HIVEP3: variants seen among roughly 807,000 people sequenced by gnomAD.
HIVEP3 encodes HIVEP zinc finger 3.
A neutral mutation model predicts 152.8 loss-of-function variants in HIVEP3; 49 were observed. The ratio of observed to expected loss-of-function variants is 0.32; its 90% CI spans 0.26 to 0.41. HIVEP3 has a LOEUF of 0.41. Among genes scored for constraint, HIVEP3 ranks in the 10% least tolerant of loss-of-function variants. The pLI is 1.00. For synonymous variants in HIVEP3, 1,269 were observed against 1,289.0 expected (o/e 0.98, Z 0.33); for missense variants, 2,790 against 3,103.3 (o/e 0.90, Z 2.40).
At position 41,511,190 on chromosome 1, in the gene HIVEP3, A is replaced by G. The variant is rs1188231755; in HGVS notation, c.6482T>C (p.Leu2161Pro). The change falls in exon 9 of 9, where the codon CTC (leucine) becomes CCC (proline). Residue 2161 changes from leucine (L) to proline (P), a missense_variant. Leu to Pro is a moderately conservative substitution (Grantham distance 98). Transcript: ENST00000372583. This position sits in a 1 kb window ranked among gnomAD's most constrained non-coding sequence, Gnocchi z 4.9. ...CAGGATGTGGCCGTGGAAGTCATGG[A>G]GGGCGGAGAAGGGTCGGGAGGAGAG... ...HPLSSRPFSA[L>P]HDFHGHILAR... 1.2e-6 allele frequency: 2 copies of G among 1,614,038 alleles called. No individual in the cohort carries two copies. Among genetic ancestry groups the G allele is most frequent in the Non-Finnish European group, 1.7e-6 (2 of 1,180,000 alleles).
chr1:41,600,703 AT>A (rs1190582609), intron 3 of HIVEP3, among the ~76,000 whole-genome samples: 4 of 152,206 alleles, frequency 2.6e-5, no homozygotes, highest in Admixed American at 2.6e-4. Context: ...TTTTACCACA[AT>A]TTTTAAAATA....
intron 2 of HIVEP3, among the ~76,000 whole-genome samples, chr1:41,651,318 G>C (rs1224110314): frequency 6.6e-6 from 1 of 151,102 alleles, no homozygotes; most frequent in East Asian, 1.9e-4. Context: ...GGCTGAGGCA[G>C]GAGAATCGCT....
At chr1:41,753,004 T>C (rs1232502248) in intron 1 of HIVEP3, among the ~76,000 whole-genome samples, 1 of 152,242 alleles carries the variant, frequency 6.6e-6, no homozygotes, top group Non-Finnish European at 1.5e-5. Context: ...TGAGCGTGTT[T>C]ACAACCACAG....
At chr1:41,537,274 G>A (rs1220472935) in intron 5 of HIVEP3, among the ~76,000 whole-genome samples, 1 of 152,046 alleles carries the variant, frequency 6.6e-6, no homozygotes, top group African/African-American at 2.4e-5. Flanking sequence ...TTCCAAGTCT[G>A]GATATTTTAA....
At chr1:41,745,211 G>A (rs1647053889) in intron 1 of HIVEP3, among the ~76,000 whole-genome samples, 1 of 152,120 alleles carries the variant, frequency 6.6e-6, no homozygotes, top group Non-Finnish European at 1.5e-5. Flanking sequence ...AGTCTGCCGT[G>A]TCCTTTCTCA....
chr1:41,836,773 C>T (rs1427123272), intron 1 of HIVEP3, among the ~76,000 whole-genome samples: 1 of 152,202 alleles, frequency 6.6e-6, no homozygotes, highest in East Asian at 1.9e-4. Flanking sequence ...TTTCACCCAC[C>T]CATGTCTAAA....
intron 1 of HIVEP3, among the ~76,000 whole-genome samples, chr1:41,739,946 C>T (rs1359504152): frequency 6.6e-6 from 1 of 152,226 alleles, no homozygotes; most frequent in Non-Finnish European, 1.5e-5. Context: ...CACCCTAGCA[C>T]CCAGCCACAA....
chr1:42,017,368 C>T (rs1211405405), intron 1 of HIVEP3, among the ~76,000 whole-genome samples: 1 of 152,022 alleles, frequency 6.6e-6, no homozygotes, highest in Non-Finnish European at 1.5e-5. Flanking sequence ...CATTGTACAG[C>T]TTGATGAATT....
At chr1:41,640,867 G>T (rs10789407) in intron 2 of HIVEP3, among the ~76,000 whole-genome samples, 78,507 of 152,078 alleles carry the variant, frequency 0.52, 20,666 homozygotes, top group Non-Finnish European at 0.56. Flanking sequence ...GCCTTGCACT[G>T]CAGGAGGGCC....
At chr1:41,971,501 C>A (rs1287695504) in intron 1 of HIVEP3, among the ~76,000 whole-genome samples, 3 of 152,116 alleles carry the variant, frequency 2.0e-5, no homozygotes, top group African/African-American at 4.8e-5. Flanking sequence ...AAGGTACACA[C>A]AGAAGATGAT....
intron 1 of HIVEP3, among the ~76,000 whole-genome samples, chr1:42,009,956 G>C (rs751629527): frequency 2.6e-5 from 4 of 152,034 alleles, no homozygotes; most frequent in Non-Finnish European, 4.4e-5. Flanking sequence ...AACAAAACAG[G>C]GTCTTACCTG....
At chr1:41,940,262 G>A (rs1036203117) in intron 1 of HIVEP3, among the ~76,000 whole-genome samples, 6 of 152,158 alleles carry the variant, frequency 3.9e-5, no homozygotes, top group East Asian at 1.9e-4. Context: ...CCTAAATGAT[G>A]AGTGAGTCAT....
At chr1:41,652,800 G>A (rs928938743) in intron 2 of HIVEP3, among the ~76,000 whole-genome samples, 1 of 152,148 alleles carries the variant, frequency 6.6e-6, no homozygotes, top group Non-Finnish European at 1.5e-5. Flanking sequence ...TGACAAAAGG[G>A]TTTTTGGTCT....
chr1:41,654,896 G>A (rs965731566), intron 2 of HIVEP3, among the ~76,000 whole-genome samples: 1 of 152,098 alleles, frequency 6.6e-6, no homozygotes, highest in African/African-American at 2.4e-5. Context: ...ACAGTCCTGG[G>A]CTTGTCACCC....
At chr1:41,707,622 G>C (rs1646453866) in intron 1 of HIVEP3, among the ~76,000 whole-genome samples, 3 of 152,206 alleles carry the variant, frequency 2.0e-5, no homozygotes. Flanking sequence ...AAGCCTATTG[G>C]GAGTTGGGTG....
chr1:41,659,014 G>C (rs1486875204), intron 2 of HIVEP3, among the ~76,000 whole-genome samples: 1 of 152,168 alleles, frequency 6.6e-6, no homozygotes, highest in African/African-American at 2.4e-5. Context: ...AGCCCAGGAT[G>C]CACTGTTGGG....
chr1:41,989,866 C>T (rs1311433368), intron 1 of HIVEP3, among the ~76,000 whole-genome samples: 1 of 146,042 alleles, frequency 6.8e-6, no homozygotes, highest in African/African-American at 2.6e-5. Flanking sequence ...TGGGTCTTGA[C>T]TCTTTATCCA....
chr1:41,849,546 C>G (rs1480890504), intron 1 of HIVEP3, among the ~76,000 whole-genome samples: 1 of 152,134 alleles, frequency 6.6e-6, no homozygotes, highest in Non-Finnish European at 1.5e-5. Context: ...TAGCACAGGC[C>G]AGGAACATTT....
chr1:41,628,697 A>C (rs1241997786), intron 3 of HIVEP3, 52 bp downstream of exon 3: 1 of 1,188,122 alleles, frequency 8.4e-7, no homozygotes, highest in Non-Finnish European at 1.1e-6. Context: ...CATGCAAGAC[A>C]GACCAACATG....
Sources: allele counts gnomAD v4.1 joint callset (sites outside exome capture counted in the v4.1 genomes callset), GRCh38; gene constraint gnomAD v4.1.1; non-coding constraint Gnocchi (gnomAD v3.1); transcripts MANE v1.5; gene names NCBI Gene and HGNC (gene_info 2026-07-23, HGNC 2026-07-21).